Variants in SSUH2 observed in about 807,000 individuals in gnomAD.
SSUH2 encodes the protein ssu-2 homolog, also known as protein SSUH2 homolog.
In SSUH2, 47 loss-of-function variants were observed where a neutral mutation model predicts 55.3. The ratio of observed to expected loss-of-function variants is 0.85; its 90% CI spans 0.67 to 1.08. SSUH2 has a LOEUF of 1.08. SSUH2 is among the 50% of genes least tolerant of loss of function. The probability of loss-of-function intolerance (pLI) is 0.00; values close to 1 mark genes in which losing one functional copy is unlikely to be tolerated. For missense variants in SSUH2, 535 were observed against 490.7 expected (o/e 1.09, Z -0.85); for synonymous variants, 212 against 191.5 (o/e 1.11, Z -0.89).
intron 6 of SSUH2, among the ~76,000 whole-genome samples, chr3:8,659,202 C>CT (rs150834866): frequency 0.015 from 2,227 of 151,656 alleles, 55 homozygotes; most frequent in African/African-American, 0.051. Flanking sequence ...TTTGTGGTTG[C>CT]TTTTTTTTTA....
At chr3:8,674,692 T>A (rs1705027816) in intron 3 of SSUH2, among the ~76,000 whole-genome samples, 1 of 152,064 alleles carries the variant, frequency 6.6e-6, no homozygotes, top group Non-Finnish European at 1.5e-5. Context: ...GGAAGGGACT[T>A]GCTCAGCAAG....
intron 1 of SSUH2, among the ~76,000 whole-genome samples, chr3:8,681,064 T>C (rs1399503890): frequency 2.0e-5 from 2 of 100,192 alleles, no homozygotes; most frequent in Admixed American, 1.2e-4. Flanking sequence ...CCCCGCTGGC[T>C]CTTAGGACTT....
intron 1 of SSUH2, among the ~76,000 whole-genome samples, chr3:8,642,627 T>A (rs1014321275): frequency 6.6e-5 from 10 of 152,216 alleles, no homozygotes; most frequent in African/African-American, 2.4e-4. Context: ...CCCAGAACGT[T>A]CCTATCCATG....
At chr3:8,661,378 C>A (rs183100661) in intron 6 of SSUH2, among the ~76,000 whole-genome samples, 2 of 152,212 alleles carry the variant, frequency 1.3e-5, no homozygotes, top group Non-Finnish European at 2.9e-5. Context: ...CTCACGTATC[C>A]TTTTCCCTCT....
upstream of SSUH2, among the ~76,000 whole-genome samples, chr3:8,648,666 T>C (rs1267386928): frequency 6.6e-6 from 1 of 152,118 alleles, no homozygotes; most frequent in African/African-American, 2.4e-5. Flanking sequence ...CTTCCCTCTA[T>C]CACCTCCTCC....
intron 8 of SSUH2, among the ~76,000 whole-genome samples, chr3:8,626,617 G>C (rs544302855): frequency 6.9e-6 from 1 of 145,754 alleles, no homozygotes; most frequent in East Asian, 2.0e-4. Context: ...CCATGTCCCT[G>C]GTCTCAGTGG....
At chr3:8,653,945 T>C (rs1387056290) in intron 7 of SSUH2, among the ~76,000 whole-genome samples, 1 of 152,162 alleles carries the variant, frequency 6.6e-6, no homozygotes, top group Non-Finnish European at 1.5e-5. Context: ...ACAGCATGGC[T>C]CAGTTTTGCC....
chr3:8,680,762 G>C (rs1373270660), intron 1 of SSUH2, among the ~76,000 whole-genome samples: 2 of 151,960 alleles, frequency 1.3e-5, no homozygotes, highest in Admixed American at 1.3e-4. Flanking sequence ...TACTTACTGC[G>C]ATATTTGGAG....
intron 7 of SSUH2, among the ~76,000 whole-genome samples, chr3:8,654,691 G>A (rs1702754805): frequency 6.6e-6 from 1 of 152,188 alleles, no homozygotes; most frequent in Non-Finnish European, 1.5e-5. Context: ...GTCTCAGTGT[G>A]CGGCCACTCC....
At chr3:8,670,134 C>T (rs1458627608) in intron 5 of SSUH2, among the ~76,000 whole-genome samples, 1 of 152,064 alleles carries the variant, frequency 6.6e-6, no homozygotes, top group Non-Finnish European at 1.5e-5. Context: ...CGGAAGAAAC[C>T]CCTCCCTTGG....
chr3:8,639,585 C>A (rs574615790), intron 1 of SSUH2, among the ~76,000 whole-genome samples: 25 of 152,202 alleles, frequency 1.6e-4, no homozygotes, highest in Non-Finnish European at 2.9e-4. Flanking sequence ...TCACCACCCA[C>A]AAGATATTTT....
At position 8,681,099 on chromosome 3, in the gene SSUH2, C is replaced by CA. The variant is rs1269378837; in HGVS notation, c.-1046+791_-1046+792insT. Among the ~76,000 whole-genome samples, 915 of 100,214 alleles carry CA rather than the reference C, an allele frequency of 9.1e-3. 102 individuals are homozygous for CA. Among genetic ancestry groups the CA allele is most frequent in the Middle Eastern group, 0.042 (6 of 142 alleles). 65.7% of individuals were successfully genotyped at this position (100,214 alleles called of 152,430 possible). On this transcript the variant is annotated intron_variant, in intron 1 of 18. Coordinates refer to the SSUH2 transcript ENST00000317371. ...TCCATAGCAGGGGGGAGAGGCACCC[C>CA]CGCGAGGCGGGTTCTGAGAGCCAGC...
rs117684178 is a variant in SSUH2 at position 8,621,531 on chromosome 3, C to T, written c.982-1517G>A. Among the ~76,000 whole-genome samples, 18 of 152,252 alleles carry T rather than the reference C, an allele frequency of 1.2e-4. No homozygotes were observed. In the East Asian group the frequency reaches 2.1e-3, roughly 18 times the overall value. On this transcript the variant is annotated intron_variant, in intron 11 of 11. Coordinates refer to ENST00000544814, the MANE Select transcript of SSUH2 (RefSeq NM_001256748.3). ...GAGGCCAGGGGGCAGCATGACATTG[C>T]AGAAGGAAGAGGGGAATCAGAGTCA...
At chr3:8,681,330 AC>A (rs1227768437) in intron 1 of SSUH2, among the ~76,000 whole-genome samples, 2 of 131,316 alleles carry the variant, frequency 1.5e-5, no homozygotes, top group East Asian at 2.4e-4. Context: ...GGGTGGAGGC[AC>A]CCCCCGCGGC....
chr3:8,658,130 C>G (rs1331992432), intron 7 of SSUH2, among the ~76,000 whole-genome samples: 1 of 152,222 alleles, frequency 6.6e-6, no homozygotes, highest in African/African-American at 2.4e-5. Context: ...TCAGCTTCTA[C>G]ATCAGAAAAC....
In SSUH2 at chr3:8,631,942, G is replaced by A. The variant is rs886623968; in HGVS notation, c.400+107C>T. ...GGTAAGGAAGCCAAGGCTCCAAGCA[G>A]AAGACCATCTTATTTGAGATGAGTG... On this transcript the variant is annotated intron_variant, in intron 5 of 11. Transcript: ENST00000544814. The A allele has an allele frequency of 1.8e-5, 16 of 871,190 alleles. No homozygotes were observed. In the East Asian group the frequency reaches 3.8e-4, roughly 21 times the overall value. The allele number at this position is 871,190 out of a possible 1,614,324, so 54.0% of individuals were successfully genotyped here.
intron 3 of SSUH2, among the ~76,000 whole-genome samples, chr3:8,676,272 CTGAA>C (rs1226256043): frequency 6.6e-6 from 1 of 152,028 alleles, no homozygotes; most frequent in African/African-American, 2.4e-5. Flanking sequence ...CTCTTCCTCC[CTGAA>C]TATTAAGAAC....
At chr3:8,673,164 A>G (rs181965752) in intron 3 of SSUH2, among the ~76,000 whole-genome samples, 88 of 152,238 alleles carry the variant, frequency 5.8e-4, no homozygotes, top group Non-Finnish European at 1.1e-3. Flanking sequence ...TAAGATCAAT[A>G]TCACTTATTA....
In SSUH2 at chr3:8,676,881, C is replaced by T. The variant is rs554113421; in HGVS notation, c.-753+325G>A. Among the ~76,000 whole-genome samples the T allele has an allele frequency of 1.8e-4, 26 of 146,420 alleles. 2 individuals are homozygous for T. Among genetic ancestry groups the T allele is most frequent in the African/African-American group, 1.3e-4 (5 of 39,404 alleles). Reference sequence around the variant, plus strand: ...CCATCGCAGGGGAGGAGGCATCCCCCGTGAGGCGGGGACAGAGAGCCAGCC... The same window carrying T: ...CCATCGCAGGGGAGGAGGCATCCCCTGTGAGGCGGGGACAGAGAGCCAGCC... On this transcript the variant is annotated intron_variant, in intron 3 of 18. Transcript: ENST00000317371.
Sources: allele counts gnomAD v4.1 joint callset (sites outside exome capture counted in the v4.1 genomes callset), GRCh38; gene constraint gnomAD v4.1.1; transcripts MANE v1.5; gene names NCBI Gene and HGNC (gene_info 2026-07-23, HGNC 2026-07-21).